Variants in RAD54L2 observed in about 807,000 individuals in gnomAD.
RAD54L2 encodes the protein helicase ARIP4.
RAD54L2 carries 27 observed loss-of-function variants against 138.4 expected under a neutral mutation model. The ratio of observed to expected loss-of-function variants is 0.20; its 90% CI spans 0.14 to 0.27. The LOEUF is 0.27. RAD54L2 is among the 10% of genes least tolerant of loss of function. The pLI, the probability that RAD54L2 is intolerant of heterozygous loss-of-function variation, is 1.00. For missense variants in RAD54L2, 1,396 were observed against 1,890.2 expected (o/e 0.74, Z 4.85); for synonymous variants, 644 against 723.2 (o/e 0.89, Z 1.76).
In RAD54L2 at chr3:51,665,056, TAAAAG is replaced by T. The variant is rs910336462; in HGVS notation, c.*1639_*1643del. On this transcript the variant is annotated 3_prime_UTR_variant, in exon 23 of 23. Transcript: ENST00000684192. ...GGAGCCCTAAGTCTGGGTTTTATCTTAAAAGAACACACCAGTCATTCTGGGTCTCC... is the reference window on the plus strand; with the variant it reads ...GGAGCCCTAAGTCTGGGTTTTATCTTAACACACCAGTCATTCTGGGTCTCC... The T allele has an allele frequency of 6.6e-6, 1 of 152,130 alleles. No individual in the cohort carries two copies. Among genetic ancestry groups the T allele is most frequent in the African/African-American group, 2.4e-5 (1 of 41,416 alleles). The allele number at this position is 152,130 out of a possible 1,614,324, so 9.4% of individuals were successfully genotyped here.
At position 51,663,231 on chromosome 3, in the gene RAD54L2, G is replaced by A; in HGVS notation, c.4215G>A (p.Leu1405=). The change falls in exon 23 of 23, where the codon TTG becomes TTA. Residue 1405 remains leucine (L), a synonymous_variant. Coordinates refer to ENST00000684192, the MANE Select transcript of RAD54L2 (RefSeq NM_015106.4). The stretch of plus-strand genomic sequence containing the variant: ...TTGCGCCTTTTCCTTCCCCTGTCTT[G>A]CCCAGCAACCTTTCGCGGGGCATGT... ...RMFAPFPSPV[L]PSNLSRGMSI... The A allele has an allele frequency of 6.2e-7, 1 of 1,613,910 alleles. No homozygotes were observed. The highest frequency in any genetic ancestry group is 8.5e-7 in the Non-Finnish European group (1 of 1,179,886).
intron 19 of RAD54L2, among the ~76,000 whole-genome samples, chr3:51,646,731 G>A (rs980852905): frequency 6.6e-6 from 1 of 152,164 alleles, no homozygotes; most frequent in Non-Finnish European, 1.5e-5. Context: ...GGACACCTGG[G>A]TAGGAGACGG....
intron 3 of RAD54L2, among the ~76,000 whole-genome samples, chr3:51,615,983 T>C (rs1334336766): frequency 2.6e-5 from 4 of 152,174 alleles, no homozygotes; most frequent in African/African-American, 9.6e-5. Flanking sequence ...ATTTCTTCTT[T>C]TTCAAAAAAA....
chr3:51,657,117 G>A (rs1023007404), intron 20 of RAD54L2, among the ~76,000 whole-genome samples: 16 of 152,094 alleles, frequency 1.1e-4, no homozygotes, highest in South Asian at 8.3e-4. Context: ...AAAAGAGAGC[G>A]CCATATAATT....
chr3:51,552,388 G>C (rs1006911856), intron 2 of RAD54L2, among the ~76,000 whole-genome samples: 1 of 150,638 alleles, frequency 6.6e-6, no homozygotes, highest in Non-Finnish European at 1.5e-5. Context: ...TCAGCCTCCC[G>C]AGTAGGTGGG....
Position 51,648,610 on chromosome 3 carries a change from C to T in RAD54L2, c.3026+2129C>T, listed in dbSNP as rs200366996. Among the ~76,000 whole-genome samples, 9 of 152,282 alleles carry T rather than the reference C, an allele frequency of 5.9e-5. No individual in the cohort carries two copies. The East Asian group carries it at 1.5e-3, about 26-fold the overall frequency. On this transcript the variant is annotated intron_variant, in intron 19 of 22. Transcript: ENST00000684192. Reference sequence around the variant, plus strand: ...GAGACGAAGCTTCCAGAGGAAGGATCAGGCAGCAATATTTGCTGTTCTGCA... The same window carrying T: ...GAGACGAAGCTTCCAGAGGAAGGATTAGGCAGCAATATTTGCTGTTCTGCA...
intron 10 of RAD54L2, among the ~76,000 whole-genome samples, chr3:51,636,299 G>T (rs925081411): frequency 1.3e-5 from 2 of 152,120 alleles, no homozygotes; most frequent in Non-Finnish European, 2.9e-5. Context: ...TGTTTTTAAG[G>T]GTTCAGAGGC....
intron 1 of RAD54L2, among the ~76,000 whole-genome samples, 161 bp downstream of exon 1, chr3:51,539,076 CG>C (rs1553670732): frequency 6.6e-6 from 1 of 152,184 alleles, no homozygotes; most frequent in Admixed American, 6.5e-5. Context: ...GTCCCCCACC[CG>C]GGAAACTCCA....
At position 51,667,935 on chromosome 3, in the gene RAD54L2, G is replaced by A. The variant is rs1701945104; in HGVS notation, c.*4515G>A. 1 of 152,266 alleles carries A rather than the reference G, an allele frequency of 6.6e-6. No homozygotes were observed. The highest frequency in any genetic ancestry group is 2.4e-5 in the African/African-American group (1 of 41,456). The allele number at this position is 152,266 out of a possible 1,614,324, so 9.4% of individuals were successfully genotyped here. A position where few individuals can be genotyped will look rare whatever the true frequency, so the allele number is the denominator to read the frequency against. ...GAGGGGTAGCCAAGCAGGCTGCAGTGTCTGCAATGCAGAGGGCTTGGGGAG... is the reference window on the plus strand; with the variant it reads ...GAGGGGTAGCCAAGCAGGCTGCAGTATCTGCAATGCAGAGGGCTTGGGGAG... On this transcript the variant is annotated 3_prime_UTR_variant, in exon 23 of 23. Transcript: ENST00000684192.
rs1212951219 is a variant in RAD54L2 at position 51,638,543 on chromosome 3, C to A, written c.1860+222C>A. On this transcript the variant is annotated intron_variant, in intron 12 of 22. Coordinates refer to ENST00000684192, the MANE Select transcript of RAD54L2 (RefSeq NM_015106.4). This position sits in a 1 kb window ranked among gnomAD's most constrained non-coding sequence, Gnocchi z 4.3. ...TCACACAGTGTAATATAACTGATGC[C>A]CCCTGCAGTGTGCAACTCAGCTGCA... 4.0e-6 allele frequency: 2 copies of A among 493,832 alleles called. No individual in the cohort carries two copies. The highest frequency in any genetic ancestry group is 7.1e-6 in the Non-Finnish European group (2 of 281,180). The allele number at this position is 493,832 out of a possible 1,614,324, so 30.6% of individuals were successfully genotyped here.
chr3:51,643,802 T>TA (rs1701201925), intron 15 of RAD54L2, 73 bp from the exon 16 acceptor site: 3 of 1,169,670 alleles, frequency 2.6e-6, no homozygotes, highest in Admixed American at 2.0e-5. Context: ...CTTTAAAACA[T>TA]ATTTGCCCAG....
chr3:51,568,355 G>T (rs1370351638), intron 2 of RAD54L2, among the ~76,000 whole-genome samples: 3 of 151,888 alleles, frequency 2.0e-5, no homozygotes, highest in Non-Finnish European at 2.9e-5. Flanking sequence ...TTTTTATTTT[G>T]GCTGCAGTGC....
chr3:51,605,314 C>A (rs1463960348), intron 3 of RAD54L2, among the ~76,000 whole-genome samples: 1 of 151,886 alleles, frequency 6.6e-6, no homozygotes, highest in African/African-American at 2.4e-5. Flanking sequence ...GTCTGAAACT[C>A]CTGACCTCGA....
Position 51,645,528 on chromosome 3 carries a change from A to G in RAD54L2, c.2657-63A>G. On this transcript the variant is annotated intron_variant, in intron 17 of 22. Transcript: ENST00000684192. The surrounding 1 kb of genome is among the most constrained non-coding windows in gnomAD (Gnocchi z 6.1). ...TTCAGATATGGGATGACTTTTCATT[A>G]TTAGTGACCTTTACAGTTTTTAATG... The G allele has an allele frequency of 6.9e-7, 1 of 1,450,278 alleles. No individual in the cohort carries two copies. The highest frequency in any genetic ancestry group is 1.4e-5 in the South Asian group (1 of 72,484). 89.8% of individuals were successfully genotyped at this position (1,450,278 alleles called of 1,614,324 possible).
At chr3:51,655,207 G>A (rs531614648) in intron 19 of RAD54L2, among the ~76,000 whole-genome samples, 205 of 148,606 alleles carry the variant, frequency 1.4e-3, no homozygotes, top group Non-Finnish European at 2.2e-3. Flanking sequence ...AGTCTTAAGG[G>A]TTTTTTTTTT....
Position 51,641,734 on chromosome 3 carries a change from T to C in RAD54L2, c.2232-15T>C. 1 of 1,522,812 alleles carries C rather than the reference T, an allele frequency of 6.6e-7. No individual in the cohort carries two copies. The highest frequency in any genetic ancestry group is 9.0e-7 in the Non-Finnish European group (1 of 1,116,048). The allele number at this position is 1,522,812 out of a possible 1,614,324, so 94.3% of individuals were successfully genotyped here. A position where few individuals can be genotyped will look rare whatever the true frequency, so the allele number is the denominator to read the frequency against. On this transcript the variant is annotated splice_polypyrimidine_tract_variant and intron_variant, in intron 14 of 22. Transcript: ENST00000684192. ...AATTCTGGGAGCCATCTGAACGAAA[T>C]GTTTTCTGTTTCAGCCAGAGTCTTT...
At chr3:51,553,873 T>G (rs572977279) in intron 2 of RAD54L2, among the ~76,000 whole-genome samples, 35 of 152,270 alleles carry the variant, frequency 2.3e-4, no homozygotes, top group Admixed American at 9.2e-4. Context: ...TATAGTCTAT[T>G]AAGTTCCTAA....
intron 2 of RAD54L2, among the ~76,000 whole-genome samples, chr3:51,549,248 AC>A (rs1465313044): frequency 6.6e-6 from 1 of 151,394 alleles, no homozygotes; most frequent in Non-Finnish European, 1.5e-5. Context: ...TCTGCTTTGG[AC>A]CCTGAAAGTG....
chr3:51,641,596 CT>C (rs1376501911), intron 14 of RAD54L2, among the ~76,000 whole-genome samples, 152 bp from the exon 15 acceptor site: 1 of 152,224 alleles, frequency 6.6e-6, no homozygotes, highest in Non-Finnish European at 1.5e-5. Flanking sequence ...GGATTATAGG[CT>C]TGAGCCACCG....
Sources: allele counts gnomAD v4.1 joint callset (sites outside exome capture counted in the v4.1 genomes callset), GRCh38; gene constraint gnomAD v4.1.1; non-coding constraint Gnocchi (gnomAD v3.1); transcripts MANE v1.5; gene names NCBI Gene and HGNC (gene_info 2026-07-23, HGNC 2026-07-21).